Variants in BIRC6 observed in about 807,000 individuals in gnomAD.
The protein encoded by BIRC6 is baculoviral IAP repeat containing 6, also known as dual E2 ubiquitin-conjugating enzyme/E3 ubiquitin-protein ligase BIRC6.
Under a neutral mutation model 503.3 loss-of-function variants are expected in BIRC6, and 98 were observed. The observed-to-expected ratio is 0.19, with a 90% CI of 0.17 to 0.23. The LOEUF is 0.23. Among genes scored for constraint, BIRC6 ranks in the 10% least tolerant of loss-of-function variants. The pLI is 1.00. For synonymous variants in BIRC6, 2,240 were observed against 2,078.7 expected (o/e 1.08, Z -2.11); for missense variants, 5,360 against 5,806.0 (o/e 0.92, Z 2.50).
At chr2:32,500,164 T>C (rs1010818318) in intron 46 of BIRC6, 55 bp downstream of exon 46, 11 of 1,442,594 alleles carry the variant, frequency 7.6e-6, no homozygotes, top group African/African-American at 1.4e-5. Context: ...AACTGGTTTT[T>C]TTTTAAGCAA....
At chr2:32,607,736 G>C in intron 72 of BIRC6, 93 bp downstream of exon 72, 7 of 1,096,220 alleles carry the variant, frequency 6.4e-6, no homozygotes, top group Non-Finnish European at 8.8e-6. Context: ...TCAGCACTTT[G>C]GGAGGTCAAG....
chr2:32,388,517 A>G (rs960383751), intron 3 of BIRC6, among the ~76,000 whole-genome samples: 21 of 152,154 alleles, frequency 1.4e-4, no homozygotes, highest in Admixed American at 7.2e-4. Context: ...TTTACTGCAC[A>G]TTTTCTTTAC....
At chr2:32,445,690 CT>C in intron 21 of BIRC6, 22 bp downstream of exon 21, 1 of 1,461,942 alleles carries the variant, frequency 6.8e-7, no homozygotes, top group Non-Finnish European at 9.1e-7. Flanking sequence ...TATCTAATGA[CT>C]AATAATAGGC....
rs2033292366 is a variant in BIRC6 at position 32,357,602 on chromosome 2, G to C, written c.325+116G>C. On this transcript the variant is annotated intron_variant, in intron 1 of 73. Coordinates refer to ENST00000421745, the MANE Select transcript of BIRC6 (RefSeq NM_016252.4). The surrounding 1 kb of genome is among the most constrained non-coding windows in gnomAD (Gnocchi z 4.9). ...GGCGAGAGGGCAGGGCTGGGGGTTC[G>C]GGCCCAGCCGTGAAGGGAGGCCCGG... 1 of 1,453,266 alleles carries C rather than the reference G, an allele frequency of 6.9e-7. No individual in the cohort carries two copies. The highest frequency in any genetic ancestry group is 9.0e-7 in the Non-Finnish European group (1 of 1,109,738). The allele number at this position is 1,453,266 out of a possible 1,614,324, so 90.0% of individuals were successfully genotyped here.
chr2:32,499,186 GTTAT>G (rs1372880561), intron 45 of BIRC6, among the ~76,000 whole-genome samples: 1 of 152,148 alleles, frequency 6.6e-6, no homozygotes, highest in Admixed American at 6.5e-5. Flanking sequence ...TTACAATAGC[GTTAT>G]TTGAGAATGG....
At chr2:32,362,729 A>T (rs1422867294) in intron 1 of BIRC6, among the ~76,000 whole-genome samples, 1 of 152,118 alleles carries the variant, frequency 6.6e-6, no homozygotes, top group African/African-American at 2.4e-5. Context: ...TTAGCATAAT[A>T]GTTAGAAAGG....
intron 50 of BIRC6, among the ~76,000 whole-genome samples, chr2:32,505,859 CTT>C (rs199788106): frequency 6.8e-6 from 1 of 147,660 alleles, no homozygotes; most frequent in African/African-American, 2.5e-5. Context: ...TACTCATTTG[CTT>C]TTTTTTTTGA....
rs1364434410 is a variant in BIRC6, at chr2:32,415,012, C to T, written c.1721C>T (p.Thr574Ile). The T allele has an allele frequency of 3.1e-6, 5 of 1,613,670 alleles. No individual in the cohort carries two copies. The African/African-American group carries it at 6.7e-5, about 22-fold the overall frequency. Residue 574 changes from threonine (T) to isoleucine (I), a missense_variant, in exon 10 of 74, where the codon ACA becomes ATA. Thr to Ile is a moderately conservative substitution (Grantham distance 89, BLOSUM62 -1). Transcript: ENST00000421745. ...TGTTTATTAGCTGGAGGTTTATTAA[C>T]ATATAAATCTCCTGCTACCTCACCC... ...FPCLLAGGLL[T>I]YKSPATSPIS...
intron 40 of BIRC6, 55 bp downstream of exon 40, chr2:32,485,814 AT>A: frequency 1.7e-6 from 2 of 1,181,006 alleles, no homozygotes; most frequent in African/African-American, 1.5e-5. Context: ...GCTCTTCATC[AT>A]TTTCAGGTGG....
chr2:32,600,472 T>A (rs1051253909), intron 70 of BIRC6, among the ~76,000 whole-genome samples: 36 of 152,228 alleles, frequency 2.4e-4, no homozygotes, highest in Admixed American at 2.3e-3. Flanking sequence ...CAAATTATCA[T>A]TAGCTCAAAT....
At chr2:32,588,720 A>G (rs1197902814) in intron 66 of BIRC6, among the ~76,000 whole-genome samples, 1 of 152,240 alleles carries the variant, frequency 6.6e-6, no homozygotes. Context: ...AGAACTTGAA[A>G]GTAACTCTCA....
In BIRC6 at chr2:32,515,149, A is replaced by G. The variant is rs549647747; in HGVS notation, c.10728A>G (p.Arg3576=). The G allele has an allele frequency of 1.9e-6, 3 of 1,613,986 alleles. No homozygotes were observed. Among genetic ancestry groups the G allele is most frequent in the African/African-American group, 2.7e-5 (2 of 75,040 alleles). Reference sequence around the variant, plus strand: ...CTCCTCCAGTGCAATGTCATCATAGACTGTCCATGACAGATGATAGCAAAA... The same window carrying G: ...CTCCTCCAGTGCAATGTCATCATAGGCTGTCCATGACAGATGATAGCAAAA... The part of the protein sequence containing the change: ...ITPPPVQCHH[R]LSMTDDSKKQ... Residue 3576 remains arginine, a synonymous_variant, in exon 55 of 74, where the codon AGA becomes AGG. Coordinates refer to ENST00000421745, the MANE Select transcript of BIRC6 (RefSeq NM_016252.4).
intron 61 of BIRC6, among the ~76,000 whole-genome samples, chr2:32,537,430 A>C (rs142595524): frequency 1.3e-5 from 2 of 152,220 alleles, no homozygotes; most frequent in African/African-American, 4.8e-5. Flanking sequence ...CCACAGTGCA[A>C]TCAAACTAGA....
chr2:32,584,542 T>C (rs2060901190), intron 66 of BIRC6, among the ~76,000 whole-genome samples: 1 of 151,990 alleles, frequency 6.6e-6, no homozygotes, highest in Admixed American at 6.6e-5. Context: ...CAAAAATAAA[T>C]AAATAAATAA....
chr2:32,361,428 T>C (rs2034067853), intron 1 of BIRC6, among the ~76,000 whole-genome samples: 1 of 152,124 alleles, frequency 6.6e-6, no homozygotes, highest in Non-Finnish European at 1.5e-5. Context: ...ACAGTTCCCA[T>C]ATGCCCTCTA....
intron 17 of BIRC6, among the ~76,000 whole-genome samples, chr2:32,441,724 G>GT (rs1488788297): frequency 6.6e-6 from 1 of 152,104 alleles, no homozygotes; most frequent in East Asian, 1.9e-4. Flanking sequence ...AAGGGAGCAT[G>GT]TATCTATAGT....
intron 10 of BIRC6, among the ~76,000 whole-genome samples, chr2:32,420,866 T>G (rs2042860584): frequency 6.6e-6 from 1 of 152,056 alleles, no homozygotes; most frequent in African/African-American, 2.4e-5. Flanking sequence ...CACTCTCATT[T>G]GTGATACTGA....
At chr2:32,361,360 ATG>A (rs1340805746) in intron 1 of BIRC6, among the ~76,000 whole-genome samples, 4 of 152,024 alleles carry the variant, frequency 2.6e-5, no homozygotes, top group Non-Finnish European at 5.9e-5. Flanking sequence ...TTGTTTAAAT[ATG>A]TGTTTCTTTT....
rs1237462362 is a variant in BIRC6, at chr2:32,357,039, C to A, written c.-123C>A. ...GGGCCCCGCCTCCCTCCCTGCTTCT[C>A]CCCCTCTCCCGTCAGCCTCCCTCCG... On this transcript the variant is annotated 5_prime_UTR_variant, in exon 1 of 74. Transcript: ENST00000421745. This position sits in a 1 kb window ranked among gnomAD's most constrained non-coding sequence, Gnocchi z 4.9. 6.9e-6 allele frequency: 6 copies of A among 873,422 alleles called. No individual in the cohort carries two copies. Among genetic ancestry groups the A allele is most frequent in the Middle Eastern group, 3.5e-4 (1 of 2,854 alleles). 54.1% of individuals were successfully genotyped at this position (873,422 alleles called of 1,614,324 possible). A position where few individuals can be genotyped will look rare whatever the true frequency, so the allele number is the denominator to read the frequency against.
Sources: allele counts gnomAD v4.1 joint callset (sites outside exome capture counted in the v4.1 genomes callset), GRCh38; gene constraint gnomAD v4.1.1; non-coding constraint Gnocchi (gnomAD v3.1); transcripts MANE v1.5; gene names NCBI Gene and HGNC (gene_info 2026-07-23, HGNC 2026-07-21).